Variants in USP34 observed in about 807,000 individuals in gnomAD.
USP34 encodes ubiquitin carboxyl-terminal hydrolase 34.
Under a neutral mutation model 460.3 loss-of-function variants are expected in USP34, and 70 were observed. That is an observed-to-expected ratio of 0.15 (90% CI 0.13 to 0.19). The LOEUF is 0.19. Among genes scored for constraint, USP34 ranks in the 10% least tolerant of loss-of-function variants. USP34 has a pLI of 1.00. For synonymous variants in USP34, 1,647 were observed against 1,405.3 expected (o/e 1.17, Z -3.85); for missense variants, 3,985 against 4,236.2 (o/e 0.94, Z 1.65).
At chr2:61,256,008 T>C (rs150320086) in intron 48 of USP34, among the ~76,000 whole-genome samples, 1 of 152,226 alleles carries the variant, frequency 6.6e-6, no homozygotes, top group African/African-American at 2.4e-5. Context: ...ACATCTATTG[T>C]GGGGTCTTGC....
At chr2:61,426,598 G>C (rs1426283536) in intron 1 of USP34, among the ~76,000 whole-genome samples, 1 of 152,192 alleles carries the variant, frequency 6.6e-6, no homozygotes, top group African/African-American at 2.4e-5. Flanking sequence ...TTAACTCCCA[G>C]ACAACACTTC....
chr2:61,397,221 T>C (rs568697792), intron 3 of USP34, among the ~76,000 whole-genome samples: 1 of 151,754 alleles, frequency 6.6e-6, no homozygotes. Flanking sequence ...GGTGGGCAGA[T>C]CATTTGAGGT....
At chr2:61,277,891 G>A (rs1689418191) in intron 41 of USP34, 1 of 348,208 alleles carries the variant, frequency 2.9e-6, no homozygotes, top group South Asian at 4.3e-5. Context: ...TTTATAAGGA[G>A]AAACCGCTTT....
At chr2:61,443,469 C>T (rs906574659) in intron 1 of USP34, among the ~76,000 whole-genome samples, 1 of 143,762 alleles carries the variant, frequency 7.0e-6, no homozygotes, top group African/African-American at 2.6e-5. Flanking sequence ...TTTTAAAAAG[C>T]TATCTTCCTG....
At chr2:61,331,466 T>C in intron 19 of USP34, 95 bp from the exon 20 acceptor site, 1 of 1,020,948 alleles carries the variant, frequency 9.8e-7, no homozygotes, top group East Asian at 2.9e-5. Flanking sequence ...AAAAAAAATC[T>C]TCAAATGTAA....
chr2:61,226,331 T>C (rs1027303076), intron 62 of USP34, among the ~76,000 whole-genome samples: 1 of 152,238 alleles, frequency 6.6e-6, no homozygotes, highest in Non-Finnish European at 1.5e-5. Context: ...CGTCTGTGAA[T>C]GACTGCAAAA....
At chr2:61,340,966 G>A (rs747376688) in intron 16 of USP34, among the ~76,000 whole-genome samples, 2 of 151,166 alleles carry the variant, frequency 1.3e-5, no homozygotes, top group Non-Finnish European at 2.9e-5. Flanking sequence ...TATCACCCTA[G>A]GAAGTTCCCT....
chr2:61,305,023 T>C (rs890329214), intron 27 of USP34, among the ~76,000 whole-genome samples: 2 of 152,016 alleles, frequency 1.3e-5, no homozygotes, highest in Admixed American at 6.6e-5. Flanking sequence ...TAAAATAAAT[T>C]TTAAAAATTT....
chr2:61,194,915 T>C (rs1686752340), intron 75 of USP34, among the ~76,000 whole-genome samples: 1 of 146,394 alleles, frequency 6.8e-6, no homozygotes, highest in Non-Finnish European at 1.5e-5. Flanking sequence ...ATCGTGCCAT[T>C]GCACTCCAGC....
chr2:61,343,635 G>A (rs1572952242), intron 16 of USP34, among the ~76,000 whole-genome samples, 180 bp downstream of exon 16: 1 of 151,628 alleles, frequency 6.6e-6, no homozygotes, highest in East Asian at 1.9e-4. Flanking sequence ...TTATATTCAT[G>A]ATGGACTATT....
intron 2 of USP34, chr2:61,416,971 GC>G: frequency 7.7e-7 from 1 of 1,296,236 alleles, no homozygotes; most frequent in Non-Finnish European, 1.1e-6. Flanking sequence ...CCGCTTCTCA[GC>G]CACCATATCT....
chr2:61,263,563 C>T (rs187214373), intron 43 of USP34, among the ~76,000 whole-genome samples: 7 of 151,810 alleles, frequency 4.6e-5, no homozygotes, highest in Non-Finnish European at 5.9e-5. Flanking sequence ...CTCACTGCAA[C>T]CTCCGCCTCC....
rs868556191 is a variant in USP34 at position 61,239,320 on chromosome 2, A to T, written c.6777+2240T>A. Among the ~76,000 whole-genome samples, 84 of 150,950 alleles carry T rather than the reference A, an allele frequency of 5.6e-4. No homozygotes were observed. In the Middle Eastern group the frequency reaches 0.017, roughly 31 times the overall value. ...CCCTGTCACACACACACACACACAC[A>T]CACACACACACACACACACACACAC... On this transcript the variant is annotated intron_variant, in intron 53 of 79. Transcript: ENST00000398571.
In USP34 at chr2:61,343,808, G is replaced by C. The variant is rs779489507; in HGVS notation, c.2500+7C>G. On this transcript the variant is annotated splice_region_variant and intron_variant, in intron 16 of 79. Transcript: ENST00000398571. ...GGTAATATATTTTACTTACTGTAGA[G>C]TCTTACCTTGACTAAGATGTTCATG... The C allele has an allele frequency of 1.2e-6, 2 of 1,611,636 alleles. No individual in the cohort carries two copies. Among genetic ancestry groups the C allele is most frequent in the Non-Finnish European group, 8.5e-7 (1 of 1,177,882 alleles).
At chr2:61,202,264 A>C (rs1159885924) in intron 75 of USP34, among the ~76,000 whole-genome samples, 1 of 152,194 alleles carries the variant, frequency 6.6e-6, no homozygotes, top group Non-Finnish European at 1.5e-5. Flanking sequence ...GATGAGGGGC[A>C]CAAAGAAGGA....
At chr2:61,349,010 A>C in intron 13 of USP34, 124 bp from the exon 14 acceptor site, 1 of 1,166,252 alleles carries the variant, frequency 8.6e-7, no homozygotes, top group Non-Finnish European at 1.2e-6. Context: ...CCAAAAATAA[A>C]ATCTCTAAAT....
In USP34 at chr2:61,372,229, T is replaced by TA. The variant is rs1011383875; in HGVS notation, c.1077-1651dup. Among the ~76,000 whole-genome samples, 706 of 151,386 alleles carry TA rather than the reference T, an allele frequency of 4.7e-3. 7 individuals carry two copies. The highest frequency in any genetic ancestry group is 0.016 in the African/African-American group (642 of 41,308). The stretch of plus-strand genomic sequence containing the variant: ...TTTTATGCTAACAATTTTTATTTAT[T>TA]AAAAAAAAACCACTAGGACTTACAC... On this transcript the variant is annotated intron_variant, in intron 8 of 79. Coordinates refer to ENST00000398571, the MANE Select transcript of USP34 (RefSeq NM_014709.4).
intron 27 of USP34, 109 bp from the exon 28 acceptor site, chr2:61,301,563 G>C: frequency 1.1e-6 from 1 of 929,578 alleles, no homozygotes; most frequent in Non-Finnish European, 1.6e-6. Flanking sequence ...AAGTTTAAAT[G>C]TAATCTAAGG....
rs59158283 is a variant in USP34 at position 61,435,307 on chromosome 2, C to CAA, written c.44-14476_44-14475dup. Reference sequence around the variant, plus strand: ...TGGGCAACAGAGTGAGACCTTGTTTCAAAAAAAAAAAAAAAAAAAAAAGAA... The same window carrying CAA: ...TGGGCAACAGAGTGAGACCTTGTTTCAAAAAAAAAAAAAAAAAAAAAAAAGAA... On this transcript the variant is annotated intron_variant, in intron 1 of 79. Transcript: ENST00000398571. 2.9e-4 allele frequency among the ~76,000 whole-genome samples: 12 copies of CAA among 40,950 alleles called. 1 individual carries two copies. The highest frequency in any genetic ancestry group is 1.5e-3 in the East Asian group (2 of 1,332). The allele number at this position is 40,950 out of a possible 152,430, so 26.9% of individuals were successfully genotyped here.
Sources: allele counts gnomAD v4.1 joint callset (sites outside exome capture counted in the v4.1 genomes callset), GRCh38; gene constraint gnomAD v4.1.1; transcripts MANE v1.5; gene names NCBI Gene and HGNC (gene_info 2026-07-23, HGNC 2026-07-21).